The following TMEM132D variants were observed in gnomAD, a reference collection of about 807,000 sequenced individuals.
TMEM132D encodes the protein mature OL transmembrane protein.
TMEM132D carries 21 observed loss-of-function variants against 62.3 expected under a neutral mutation model. The ratio of observed to expected loss-of-function variants is 0.34; its 90% CI spans 0.24 to 0.49. The LOEUF (loss-of-function observed/expected upper bound fraction) is 0.49. TMEM132D is among the 20% of genes least tolerant of loss of function. The pLI is 0.99. For missense variants in TMEM132D, 1,346 were observed against 1,402.8 expected (o/e 0.96, Z 0.65); for synonymous variants, 621 against 575.6 (o/e 1.08, Z -1.13).
At position 129,184,119 on chromosome 12, in the gene TMEM132D, C is replaced by T. The variant is rs1593288571; in HGVS notation, c.1443+25401G>A. Among the ~76,000 whole-genome samples the T allele has an allele frequency of 3.3e-5, 5 of 152,190 alleles. No individual in the cohort carries two copies. In the East Asian group the frequency reaches 9.6e-4, roughly 29 times the overall value. Reference sequence around the variant, plus strand: ...CTGAAGACCCACTATGTCACCCACTCATGTCACCGTCTCACCCCTGTCACC... The same window carrying T: ...CTGAAGACCCACTATGTCACCCACTTATGTCACCGTCTCACCCCTGTCACC... On this transcript the variant is annotated intron_variant, in intron 5 of 8. Transcript: ENST00000422113.
At chr12:129,365,383 CA>C (rs1870372590) in intron 3 of TMEM132D, among the ~76,000 whole-genome samples, 1 of 152,028 alleles carries the variant, frequency 6.6e-6, no homozygotes, top group Non-Finnish European at 1.5e-5. Context: ...GATTAGGCAC[CA>C]AAAACCCTTA....
intron 3 of TMEM132D, among the ~76,000 whole-genome samples, chr12:129,385,740 T>C (rs892491165): frequency 2.0e-5 from 3 of 152,236 alleles, no homozygotes; most frequent in Non-Finnish European, 4.4e-5. Flanking sequence ...TTGAACTGTT[T>C]GCTCAGAAGG....
intron 3 of TMEM132D, among the ~76,000 whole-genome samples, chr12:129,456,975 C>G (rs374978296): frequency 6.6e-6 from 1 of 152,104 alleles, no homozygotes; most frequent in Non-Finnish European, 1.5e-5. Context: ...AATAGGAACA[C>G]TTTTACACTG....
Position 129,751,303 on chromosome 12 carries a change from G to A in TMEM132D, c.80-50605C>T, listed in dbSNP as rs143480391. 4.1e-4 allele frequency among the ~76,000 whole-genome samples: 63 copies of A among 152,264 alleles called. No individual in the cohort carries two copies. In the East Asian group the frequency reaches 0.011, roughly 26 times the overall value. On this transcript the variant is annotated intron_variant, in intron 1 of 8. Coordinates refer to ENST00000422113, the MANE Select transcript of TMEM132D (RefSeq NM_133448.3). ...CATGGCAGAGCAGGAGAGAGCGAGC[G>A]AGTGGGCACATGACGCACTTTGAAA... is the stretch of plus-strand genomic sequence containing the variant.
intron 3 of TMEM132D, among the ~76,000 whole-genome samples, chr12:129,417,139 G>T (rs1272765308): frequency 4.6e-5 from 7 of 152,224 alleles, no homozygotes; most frequent in South Asian, 2.1e-4. Context: ...GTTCCTCTTT[G>T]TACCTCTGGT....
At chr12:129,633,878 A>G (rs1879412669) in intron 2 of TMEM132D, among the ~76,000 whole-genome samples, 1 of 152,190 alleles carries the variant, frequency 6.6e-6, no homozygotes, top group African/African-American at 2.4e-5. Context: ...AAAAATGTTC[A>G]TTCCAATGCA....
intron 5 of TMEM132D, among the ~76,000 whole-genome samples, chr12:129,152,124 C>T (rs1032503438): frequency 2.7e-5 from 4 of 150,722 alleles, no homozygotes; most frequent in African/African-American, 1.0e-4. Flanking sequence ...ATCTGATCTA[C>T]CCCCGCCTTG....
chr12:129,375,988 G>C (rs1870768696), intron 3 of TMEM132D, among the ~76,000 whole-genome samples: 1 of 152,200 alleles, frequency 6.6e-6, no homozygotes, highest in Non-Finnish European at 1.5e-5. Flanking sequence ...AGCACCCAGA[G>C]TTGGAAACAA....
At chr12:129,747,206 A>AC (rs1869820921) in intron 1 of TMEM132D, among the ~76,000 whole-genome samples, 3 of 125,418 alleles carry the variant, frequency 2.4e-5, no homozygotes, top group African/African-American at 3.3e-5. Flanking sequence ...TCTCCTTCTT[A>AC]CTCCTCCTTC....
At chr12:129,572,348 C>T (rs1348179697) in intron 2 of TMEM132D, among the ~76,000 whole-genome samples, 19 of 152,208 alleles carry the variant, frequency 1.2e-4, no homozygotes, top group South Asian at 2.1e-4. Context: ...GGACGGTGCC[C>T]GGTGTCCCAC....
At chr12:129,184,775 C>T (rs1484027378) in intron 5 of TMEM132D, among the ~76,000 whole-genome samples, 1 of 151,166 alleles carries the variant, frequency 6.6e-6, no homozygotes, top group Non-Finnish European at 1.5e-5. Context: ...ATGGGACACA[C>T]TTTCTCTTTC....
intron 1 of TMEM132D, among the ~76,000 whole-genome samples, chr12:129,819,572 G>A (rs79505067): frequency 0.013 from 2,047 of 152,076 alleles, 26 homozygotes; most frequent in South Asian, 0.05. Context: ...TGGAGTCTGC[G>A]GACCCTGACC....
At chr12:129,740,771 C>A (rs71446273) in intron 1 of TMEM132D, among the ~76,000 whole-genome samples, 1 of 151,962 alleles carries the variant, frequency 6.6e-6, no homozygotes, top group African/African-American at 2.4e-5. Flanking sequence ...CAATCCAGTT[C>A]CTTAAAAATT....
At chr12:129,446,030 G>A (rs781352853) in intron 3 of TMEM132D, among the ~76,000 whole-genome samples, 3 of 152,230 alleles carry the variant, frequency 2.0e-5, no homozygotes, top group East Asian at 1.9e-4. Flanking sequence ...TCTACCAGTC[G>A]CTGGCTCAGA....
intron 3 of TMEM132D, among the ~76,000 whole-genome samples, chr12:129,422,135 C>G (rs899813694): frequency 1.9e-4 from 29 of 149,370 alleles, no homozygotes; most frequent in African/African-American, 7.1e-4. Flanking sequence ...CTTCTCATCT[C>G]CTACTGACAC....
intron 2 of TMEM132D, among the ~76,000 whole-genome samples, chr12:129,673,958 C>T (rs975462427): frequency 6.6e-6 from 1 of 152,134 alleles, no homozygotes; most frequent in African/African-American, 2.4e-5. Flanking sequence ...ATTCTAGGCA[C>T]GAGTACGGTC....
chr12:129,566,357 A>T (rs975163009), intron 2 of TMEM132D, among the ~76,000 whole-genome samples: 1 of 152,178 alleles, frequency 6.6e-6, no homozygotes, highest in Non-Finnish European at 1.5e-5. Context: ...AAGCCATCTA[A>T]CCAACTGAAT....
chr12:129,794,947 G>C (rs1027014158), intron 1 of TMEM132D, among the ~76,000 whole-genome samples: 6 of 152,092 alleles, frequency 3.9e-5, no homozygotes, highest in African/African-American at 1.4e-4. Flanking sequence ...TGTGCCACAC[G>C]AGTAGGCAGG....
chr12:129,787,073 G>A (rs1871266747), intron 1 of TMEM132D, among the ~76,000 whole-genome samples: 1 of 152,132 alleles, frequency 6.6e-6, no homozygotes, highest in Non-Finnish European at 1.5e-5. Flanking sequence ...TGGGAGCTGT[G>A]AAAAGCTTTG....
Sources: allele counts gnomAD v4.1 joint callset (sites outside exome capture counted in the v4.1 genomes callset), GRCh38; gene constraint gnomAD v4.1.1; transcripts MANE v1.5; gene names NCBI Gene and HGNC (gene_info 2026-07-23, HGNC 2026-07-21).